Variants in IDO2 observed in about 807,000 individuals in gnomAD.
The protein encoded by IDO2 is indoleamine 2,3-dioxygenase 2.
IDO2 carries 46 observed loss-of-function variants against 45.1 expected under a neutral mutation model. The observed-to-expected ratio is 1.02, with a 90% CI of 0.80 to 1.30. The LOEUF (loss-of-function observed/expected upper bound fraction) is 1.30, where lower values mean the gene tolerates loss of function less well. IDO2 is among the 50% of genes most tolerant of loss of function. The pLI is 0.00. For missense variants in IDO2, 544 were observed against 491.8 expected, an observed-to-expected ratio of 1.11 and a Z score of -1.00; for synonymous variants, 218 against 184.9, an observed-to-expected ratio of 1.18 and a Z score of -1.45.
intron 1 of IDO2, 146 bp from the exon 2 acceptor site, chr8:39,949,003 A>G (rs1807777356): frequency 1.0e-6 from 1 of 996,754 alleles, no homozygotes; most frequent in Non-Finnish European, 1.4e-6. Context: ...GTCTCAGAGA[A>G]AGTCCATGAT....
At chr8:40,015,422 C>T in exon 11 of IDO2, 2 of 1,613,982 alleles carry the variant, frequency 1.2e-6, no homozygotes, top group East Asian at 2.2e-5. Context: ...GCTATCACAT[C>T]ACCATGGTCA....
chr8:39,976,495 T>C (rs1293871385), intron 3 of IDO2, among the ~76,000 whole-genome samples: 1 of 152,206 alleles, frequency 6.6e-6, no homozygotes, highest in African/African-American at 2.4e-5. Flanking sequence ...GTCTACTCTT[T>C]AGGTTGTAAA....
chr8:39,946,500 G>A (rs182114463), intron 1 of IDO2, among the ~76,000 whole-genome samples: 1 of 152,196 alleles, frequency 6.6e-6, no homozygotes, highest in East Asian at 1.9e-4. Flanking sequence ...CCAGCTACTC[G>A]GGAGGCTGAG....
chr8:40,010,568 A>T (rs75466462), intron 9 of IDO2, among the ~76,000 whole-genome samples: 2,277 of 152,312 alleles, frequency 0.015, 53 homozygotes, highest in African/African-American at 0.052. Flanking sequence ...CGATCATTAC[A>T]ATCCAGGGTG....
At chr8:39,975,222 T>C (rs1387212620) in intron 3 of IDO2, among the ~76,000 whole-genome samples, 1 of 150,910 alleles carries the variant, frequency 6.6e-6, no homozygotes, top group African/African-American at 2.4e-5. Context: ...CTGGAGTGCA[T>C]TGGCGTGATC....
chr8:39,937,037 A>G (rs1487486441), intron 1 of IDO2, among the ~76,000 whole-genome samples: 5 of 152,248 alleles, frequency 3.3e-5, no homozygotes, highest in African/African-American at 1.2e-4. Flanking sequence ...AGATACCCAT[A>G]TTTAACATAC....
At chr8:39,990,906 A>G (rs1219102084) in intron 8 of IDO2, among the ~76,000 whole-genome samples, 1 of 152,214 alleles carries the variant, frequency 6.6e-6, no homozygotes, top group Non-Finnish European at 1.5e-5. Flanking sequence ...CTTCTCTCAG[A>G]GGAATCTGAA....
intron 8 of IDO2, among the ~76,000 whole-genome samples, chr8:39,991,594 G>T (rs1424666284): frequency 2.4e-5 from 3 of 127,526 alleles, no homozygotes; most frequent in Non-Finnish European, 4.8e-5. Context: ...TTTGTGAGAT[G>T]GAGTCTCACT....
chr8:39,976,439 G>A (rs537255998), intron 3 of IDO2, among the ~76,000 whole-genome samples: 1 of 152,136 alleles, frequency 6.6e-6, no homozygotes, highest in South Asian at 2.1e-4. Context: ...TTTTGGTCAA[G>A]TTCTATTTCT....
chr8:39,940,008 A>C (rs1025563704), intron 1 of IDO2, among the ~76,000 whole-genome samples: 5 of 150,442 alleles, frequency 3.3e-5, no homozygotes, highest in Non-Finnish European at 7.4e-5. Context: ...CTTGCTGTGC[A>C]CTGGTACTAC....
chr8:39,997,047 G>C (rs536082650), intron 8 of IDO2, among the ~76,000 whole-genome samples: 2 of 152,240 alleles, frequency 1.3e-5, no homozygotes, highest in South Asian at 2.1e-4. Flanking sequence ...CTTTACAAAA[G>C]AAATCATTTT....
At chr8:39,980,167 C>T (rs555620764) in intron 4 of IDO2, among the ~76,000 whole-genome samples, 1 of 152,288 alleles carries the variant, frequency 6.6e-6, no homozygotes, top group South Asian at 2.1e-4. Context: ...GCATTTTGTA[C>T]TCTTATGTAT....
chr8:39,937,962 T>C (rs541228647), intron 1 of IDO2, among the ~76,000 whole-genome samples: 15 of 152,366 alleles, frequency 9.8e-5, no homozygotes, highest in African/African-American at 3.4e-4. Context: ...TGTATATTTG[T>C]AATGAACTGT....
intron 9 of IDO2, among the ~76,000 whole-genome samples, chr8:40,011,186 C>G (rs1012969347): frequency 6.6e-6 from 1 of 152,220 alleles, no homozygotes; most frequent in Non-Finnish European, 1.5e-5. Context: ...GCTGGGATTA[C>G]AGGCATGAGC....
rs1313690935 is a variant in IDO2, at chr8:39,979,697, G to C, written c.315+511G>C. Among the ~76,000 whole-genome samples, 10 of 152,122 alleles carry C rather than the reference G, an allele frequency of 6.6e-5. 1 individual carries two copies. Among genetic ancestry groups the C allele is most frequent in the Admixed American group, 6.5e-4 (10 of 15,272 alleles). On this transcript the variant is annotated intron_variant, in intron 4 of 10. Transcript: ENST00000502986. ...AGGATTTTTTTATTTTAATTTTTCTGACTAAGAGCTAATTTGTTTTTTAAA... is the reference window on the plus strand; with the variant it reads ...AGGATTTTTTTATTTTAATTTTTCTCACTAAGAGCTAATTTGTTTTTTAAA...
At chr8:40,001,566 A>G (rs1336341944) in intron 8 of IDO2, among the ~76,000 whole-genome samples, 2 of 151,116 alleles carry the variant, frequency 1.3e-5, no homozygotes, top group Non-Finnish European at 1.5e-5. Context: ...TCATTTTTAT[A>G]CTAATTAGGC....
chr8:40,011,819 T>C (rs1265450554), intron 9 of IDO2, among the ~76,000 whole-genome samples: 1 of 152,200 alleles, frequency 6.6e-6, no homozygotes, highest in Non-Finnish European at 1.5e-5. Flanking sequence ...TGTTAATAAA[T>C]AGCAAAGGTA....
intron 8 of IDO2, among the ~76,000 whole-genome samples, chr8:40,001,896 C>T (rs905191178): frequency 3.3e-5 from 5 of 152,138 alleles, no homozygotes; most frequent in Non-Finnish European, 7.3e-5. Context: ...AGCAATTCTC[C>T]TGCCTCAGCC....
intron 8 of IDO2, among the ~76,000 whole-genome samples, chr8:39,999,939 T>C (rs779111548): frequency 3.9e-5 from 6 of 152,184 alleles, no homozygotes; most frequent in African/African-American, 9.6e-5. Flanking sequence ...GGGTCAGGAA[T>C]GGGAGGAAAG....
Sources: gnomAD v4.1 joint callset for allele counts (sites outside exome capture counted in the v4.1 genomes callset) on GRCh38, gnomAD v4.1.1 for gene constraint, MANE v1.5 for transcripts, NCBI Gene and HGNC (gene_info 2026-07-23, HGNC 2026-07-21) for gene names.